The following NBPF8 variants were observed in gnomAD, a reference collection of about 807,000 sequenced individuals.
NBPF8 encodes the protein NBPF family member NBPF8.
At chr1:120,464,115 T>TTCTC (rs1190111187) in intron 22 of NBPF8, among the ~76,000 whole-genome samples, 1 of 34,128 alleles carries the variant, frequency 2.9e-5, no homozygotes, top group Non-Finnish European at 4.9e-5. Context: ...ACTGAGCTCG[T>TTCTC]TCTCTCTCTC....
chr1:120,415,347 G>T (rs1463076168), upstream of NBPF8, among the ~76,000 whole-genome samples: 1 of 151,924 alleles, frequency 6.6e-6, no homozygotes, highest in Admixed American at 6.6e-5. Flanking sequence ...TCGAGCTGCG[G>T]CTGTCGCAAG....
At chr1:120,432,866 TA>T (rs1159822883), upstream of NBPF8, 3 of 151,196 alleles carry the variant, frequency 2.0e-5, no homozygotes, top group Admixed American at 6.6e-5. Flanking sequence ...TTACACATTT[TA>T]AAGTGGTGCA....
exon 25 of NBPF8, chr1:120,466,086 G>A: frequency 1.2e-6 from 2 of 1,611,764 alleles, no homozygotes; most frequent in Admixed American, 1.7e-5. Context: ...ACTCATTCCA[G>A]CACTACAGAA....
intron 3 of NBPF8, among the ~76,000 whole-genome samples, chr1:120,430,268 GTGTT>G (rs1660839356): frequency 1.6e-5 from 2 of 127,166 alleles, no homozygotes; most frequent in South Asian, 2.4e-4. Context: ...GATAATGACT[GTGTT>G]TGTTAACAAT....
chr1:120,433,090 A>G (rs1176445924), upstream of NBPF8: 1 of 152,208 alleles, frequency 6.6e-6, no homozygotes, highest in Admixed American at 6.5e-5. Context: ...AAATAAATAT[A>G]TATCATGTTC....
upstream of NBPF8, chr1:120,432,159 C>T (rs1660897846): frequency 6.9e-6 from 1 of 144,138 alleles, no homozygotes; most frequent in South Asian, 2.2e-4. Context: ...TGCTAAATCA[C>T]AGAGGTTTGG....
intron 21 of NBPF8, among the ~76,000 whole-genome samples, chr1:120,463,256 G>A: frequency 7.0e-6 from 1 of 143,398 alleles, no homozygotes; most frequent in East Asian, 2.2e-4. Context: ...AGTATGATTT[G>A]GACTCAAGGG....
At chr1:120,468,654 T>G (rs1279992302), downstream of NBPF8, among the ~76,000 whole-genome samples, 1 of 145,494 alleles carries the variant, frequency 6.9e-6, no homozygotes, top group East Asian at 1.9e-4. Context: ...CTCCCAGTAA[T>G]TCTGCATTTC....
intron 3 of NBPF8, among the ~76,000 whole-genome samples, chr1:120,429,416 T>C (rs1450255714): frequency 6.6e-6 from 1 of 151,926 alleles, no homozygotes; most frequent in Admixed American, 6.6e-5. Context: ...CTGTGGCACC[T>C]CTCCTCTGCA....
chr1:120,419,573 C>G (rs1181300302), upstream of NBPF8, among the ~76,000 whole-genome samples: 2 of 152,192 alleles, frequency 1.3e-5, no homozygotes, highest in Non-Finnish European at 2.9e-5. Context: ...ATCCTCCTGC[C>G]TCAACCTTCA....
downstream of NBPF8, among the ~76,000 whole-genome samples, chr1:120,469,347 G>A (rs1292527102): frequency 7.0e-5 from 10 of 143,310 alleles, no homozygotes; most frequent in Non-Finnish European, 1.5e-4. Context: ...TTGATTGCAT[G>A]AGGCCCACCC....
At chr1:120,450,226 A>C (rs1391326441) in intron 11 of NBPF8, among the ~76,000 whole-genome samples, 1 of 151,742 alleles carries the variant, frequency 6.6e-6, no homozygotes, top group Non-Finnish European at 1.5e-5. Context: ...GACTGTTAAA[A>C]ATAATAATAA....
chr1:120,466,615 A>G, exon 25 of NBPF8: 2 of 200,046 alleles, frequency 1.0e-5, no homozygotes, highest in Non-Finnish European at 1.9e-5. Context: ...GTTTCAATGA[A>G]CCTAACCTCA....
chr1:120,425,282 G>A (rs1209630817), intron 1 of NBPF8, among the ~76,000 whole-genome samples: 1 of 152,052 alleles, frequency 6.6e-6, no homozygotes, highest in East Asian at 1.9e-4. Context: ...GAATGTCTCG[G>A]TGTAAAGCCC....
exon 1 of NBPF8, chr1:120,436,545 G>C (rs1553247785): frequency 6.5e-7 from 1 of 1,528,428 alleles, no homozygotes; most frequent in Non-Finnish European, 9.1e-7. Flanking sequence ...GCCGGCCCTT[G>C]GTCCAGCGAG....
upstream of NBPF8, among the ~76,000 whole-genome samples, chr1:120,419,526 A>G (rs1660516351): frequency 1.3e-5 from 2 of 152,234 alleles, no homozygotes; most frequent in African/African-American, 4.8e-5. Context: ...CAGTGGTGCC[A>G]TCATAGCTCA....
At chr1:120,465,541 T>A (rs1232848346) in intron 24 of NBPF8, among the ~76,000 whole-genome samples, 170 bp downstream of exon 22, 1 of 119,626 alleles carries the variant, frequency 8.4e-6, no homozygotes, top group Non-Finnish European at 1.7e-5. Flanking sequence ...CATTTCTTCC[T>A]CCCCTTATCA....
upstream of NBPF8, among the ~76,000 whole-genome samples, chr1:120,418,840 C>T (rs1403705863): frequency 2.3e-3 from 347 of 151,192 alleles, no homozygotes; most frequent in African/African-American, 7.9e-3. Flanking sequence ...AAGCCATCAC[C>T]GCTGGCCATT....
chr1:120,467,904 G>A (rs878935310), downstream of NBPF8, among the ~76,000 whole-genome samples: 11 of 152,082 alleles, frequency 7.2e-5, no homozygotes, highest in South Asian at 2.1e-4. Flanking sequence ...AGCAGAATGT[G>A]TTTACATTTC....
Sources: gnomAD v4.1 joint callset for allele counts (sites outside exome capture counted in the v4.1 genomes callset) on GRCh38, gnomAD v4.1.1 for gene constraint, MANE v1.5 for transcripts, NCBI Gene and HGNC (gene_info 2026-07-23, HGNC 2026-07-21) for gene names.